The following TOPORS variants were observed in gnomAD, a reference collection of about 807,000 sequenced individuals.
The protein encoded by TOPORS is TOP1 binding arginine/serine rich protein, E3 ubiquitin ligase, also known as E3 ubiquitin-protein ligase Topors.
In TOPORS, 25 loss-of-function variants were observed where a neutral mutation model predicts 81.4. The ratio of observed to expected loss-of-function variants is 0.31; its 90% CI spans 0.22 to 0.43. TOPORS has a LOEUF of 0.43. Among genes scored for constraint, TOPORS ranks in the 20% least tolerant of loss-of-function variants. The pLI, the probability that TOPORS is intolerant of heterozygous loss-of-function variation, is 1.00. For missense variants in TOPORS, 1,101 were observed against 1,267.0 expected (o/e 0.87, Z 1.99); for synonymous variants, 473 against 456.6 (o/e 1.04, Z -0.46).
chr9:32,542,719 T>C lies in TOPORS; in HGVS notation c.1806A>G (p.Ser602=), dbSNP rs144078121. The change falls in exon 3 of 3, where the codon TCA becomes TCG. Residue 602 remains serine, a synonymous_variant. Transcript: ENST00000360538. ...RKRGRSRSSD[S]RSQSRSGHDQ... ...CATGCCCACTTCTACTCTGAGAACG[T>C]GAATCTGAACTTCTTGATCTTCCCC... 9.3e-6 allele frequency: 15 copies of C among 1,613,964 alleles called. No individual in the cohort carries two copies. In the African/African-American group the frequency reaches 1.5e-4, roughly 16 times the overall value.
At chr9:32,545,666 C>A (rs1288130475) in intron 2 of TOPORS, among the ~76,000 whole-genome samples, 7 of 151,972 alleles carry the variant, frequency 4.6e-5, no homozygotes, top group African/African-American at 1.7e-4. Flanking sequence ...GAGGCTGAGA[C>A]AGGAGAATCG....
chr9:32,543,772 T>G lies in TOPORS; in HGVS notation c.753A>C (p.Gln251His). ...GTCTAAAATTAATAATATCTTGTTC[T>G]TGAATTTTCCGCAAAGATCTTTCAT... ...TADERSLRKI[Q>H]EQDIINFRRT... The change falls in exon 3 of 3, where the codon CAA (glutamine) becomes CAC (histidine). Residue 251 changes from glutamine to histidine, a missense_variant. Physicochemically the swap from Gln to His is conservative, Grantham distance 24. Around this residue, in one of 9 missense-constraint regions of TOPORS, gnomAD observed 120 missense variants for 115.4 expected, o/e 1.04. Coordinates refer to ENST00000360538, the MANE Select transcript of TOPORS (RefSeq NM_005802.5). The surrounding 1 kb of genome is among the most constrained non-coding windows in gnomAD (Gnocchi z 5.6). 1 of 1,611,734 alleles carries G rather than the reference T, an allele frequency of 6.2e-7. No homozygotes were observed. Among genetic ancestry groups the G allele is most frequent in the South Asian group, 1.1e-5 (1 of 90,696 alleles).
In TOPORS at chr9:32,541,860, GTTTCTTCTTTTTCTT is replaced by G. The variant is rs767345488; in HGVS notation, c.2650_2664del (p.Lys884_Lys888del). On this transcript the variant is annotated inframe_deletion, in exon 3 of 3. Transcript: ENST00000360538. The stretch of plus-strand genomic sequence containing the variant: ...TGGTGTTTCTTATGCTTCTTCTTAT[GTTTCTTCTTTTTCTT>G]TTTATGGTGTTTAGTTGTATCAGTA... The G allele has an allele frequency of 6.2e-7, 1 of 1,614,010 alleles. No individual in the cohort carries two copies. The highest frequency in any genetic ancestry group is 2.2e-5 in the East Asian group (1 of 44,876).
chr9:32,551,048 T>A (rs368138905), intron 1 of TOPORS, 80 bp from the exon 2 acceptor site: 1 of 1,510,314 alleles, frequency 6.6e-7, no homozygotes, highest in South Asian at 1.2e-5. Flanking sequence ...CTCCCGCGCA[T>A]CAAAACACAA....
chr9:32,548,142 G>A lies in TOPORS; in HGVS notation c.198+2632C>T, dbSNP rs187724160. On this transcript the variant is annotated intron_variant, in intron 2 of 2. Transcript: ENST00000360538. ...TGGGATTACAGGCGTAAGCCACCGC[G>A]CCCAGCCCGGAATGTAATCTTAACA... Among the ~76,000 whole-genome samples, 878 of 151,000 alleles carry A rather than the reference G, an allele frequency of 5.8e-3. 2 individuals carry two copies. The highest frequency in any genetic ancestry group is 0.014 in the Middle Eastern group (4 of 290).
rs927241903 is a variant in TOPORS at position 32,542,103 on chromosome 9, C to T, written c.2422G>A (p.Glu808Lys). The change falls in exon 3 of 3, where the codon GAA becomes AAA. Residue 808 changes from glutamate to lysine, a missense_variant. Coordinates refer to ENST00000360538, the MANE Select transcript of TOPORS (RefSeq NM_005802.5). ...AATTCACGAGATGGCTGAGCCACTT[C>T]GTTAGTACCCTCCAAATGCCGTGTT... ...YKTRHLEGTNEVAQPSREFAS... is the reference protein window; with the variant it reads ...YKTRHLEGTNKVAQPSREFAS... The T allele has an allele frequency of 3.1e-6, 5 of 1,614,028 alleles. No homozygotes were observed. The highest frequency in any genetic ancestry group is 1.3e-5 in the African/African-American group (1 of 74,914).
intron 1 of TOPORS, chr9:32,551,709 A>G: frequency 2.6e-6 from 1 of 387,302 alleles, no homozygotes; most frequent in Admixed American, 2.6e-5. Flanking sequence ...CTCGCCCACC[A>G]AACTGCCGTG....
At chr9:32,548,343 G>C (rs1563985954) in intron 2 of TOPORS, among the ~76,000 whole-genome samples, 1 of 151,008 alleles carries the variant, frequency 6.6e-6, no homozygotes, top group African/African-American at 2.4e-5. Flanking sequence ...GACCAACATG[G>C]AGAAACCCGG....
chr9:32,541,485 T>C lies in TOPORS; in HGVS notation c.3040A>G (p.Asn1014Asp), dbSNP rs185044466. 1.9e-6 allele frequency: 3 copies of C among 1,614,222 alleles called. No individual in the cohort carries two copies. In the Admixed American group the frequency reaches 5.0e-5, roughly 27 times the overall value. Residue 1014 changes from asparagine to aspartate, a missense_variant, in exon 3 of 3, where the codon AAC becomes GAC. This residue lies in a region of TOPORS where 605 missense variants were observed against 636.1 expected (regional missense o/e 0.95). Coordinates refer to ENST00000360538, the MANE Select transcript of TOPORS (RefSeq NM_005802.5). Reference protein sequence around the residue: ...FVSDLENQPSNIVSLQTEPSR... With the variant: ...FVSDLENQPSDIVSLQTEPSR... ...GGCTCAGTTTGAAGAGACACAATGT[T>C]ACTGGGCTGGTTCTCCAAATCAGAA...
rs12236253 is a variant in TOPORS at position 32,542,803 on chromosome 9, C to T, written c.1722G>A (p.Leu574=). ...CTCTGTCTCCTCTTACAGATGAGTTCAGGTTTCTGGGAGATGACAATGATG... is the reference window on the plus strand; with the variant it reads ...CTCTGTCTCCTCTTACAGATGAGTTTAGGTTTCTGGGAGATGACAATGATG... The part of the protein sequence containing the change: ...RSTSLSSPRN[L]NSSVRGDRVY... The change falls in exon 3 of 3, where the codon CTG becomes CTA. Residue 574 remains leucine (L), a synonymous_variant. Coordinates refer to ENST00000360538, the MANE Select transcript of TOPORS (RefSeq NM_005802.5). 5.4e-4 allele frequency: 874 copies of T among 1,614,026 alleles called. 11 individuals carry two copies. In the East Asian group the frequency reaches 0.018, roughly 33 times the overall value.
At position 32,543,015 on chromosome 9, in the gene TOPORS, A is replaced by G; in HGVS notation, c.1510T>C (p.Leu504=). The G allele has an allele frequency of 6.2e-7, 1 of 1,614,204 alleles. No homozygotes were observed. Among genetic ancestry groups the G allele is most frequent in the Non-Finnish European group, 8.5e-7 (1 of 1,180,028 alleles). The change falls in exon 3 of 3, where the codon TTA becomes CTA. Residue 504 remains leucine (L), a synonymous_variant. Transcript: ENST00000360538. The surrounding 1 kb of genome is among the most constrained non-coding windows in gnomAD (Gnocchi z 5.6). ...GTCTCCATTTTCTCATAAGAACCTAAGTCCTCAGAATCAGAGGACAGTTCA... is the reference window on the plus strand; with the variant it reads ...GTCTCCATTTTCTCATAAGAACCTAGGTCCTCAGAATCAGAGGACAGTTCA... The part of the protein sequence containing the change: ...LVELSSDSED[L]GSYEKMETVK...
chr9:32,544,033 C>T lies in TOPORS; in HGVS notation c.492G>A (p.Arg164=). The change falls in exon 3 of 3, where the codon AGG becomes AGA. Residue 164 remains arginine (R), a synonymous_variant. Transcript: ENST00000360538. ...AEDDFKEYVL[R]PSYNGSFVTP... Reference sequence around the variant, plus strand: ...TGACAAAAGAACCATTATACGAAGGCCTTAGGACATACTCCTTGAAGTCAT... The same window carrying T: ...TGACAAAAGAACCATTATACGAAGGTCTTAGGACATACTCCTTGAAGTCAT... The T allele has an allele frequency of 6.2e-7, 1 of 1,614,124 alleles. No homozygotes were observed. The highest frequency in any genetic ancestry group is 8.5e-7 in the Non-Finnish European group (1 of 1,180,020).
intron 1 of TOPORS, chr9:32,551,806 G>A (rs1265717272): frequency 1.3e-5 from 6 of 451,332 alleles, no homozygotes; most frequent in South Asian, 4.7e-5. Flanking sequence ...ACATTATGGC[G>A]GGTAACGCGT....
At position 32,542,572 on chromosome 9, in the gene TOPORS, G is replaced by A. The variant is rs727504178; in HGVS notation, c.1953C>T (p.Ser651=). The change falls in exon 3 of 3, where the codon AGC becomes AGT. Residue 651 remains serine, a synonymous_variant. Transcript: ENST00000360538. ...GAGTTTGGCTTCTTCTGGACCAACT[G>A]CTATCTCTAGTTCTTGATCTCTTTT... ...RDKKRSRTRD[S]SWSRRSQTLS... is the part of the protein sequence containing the mutation. 6.2e-7 allele frequency: 1 copy of A among 1,614,044 alleles called. No individual in the cohort carries two copies. Among genetic ancestry groups the A allele is most frequent in the Non-Finnish European group, 8.5e-7 (1 of 1,180,012 alleles).
At chr9:32,551,441 A>G (rs1239711921) in intron 1 of TOPORS, 2 of 302,290 alleles carry the variant, frequency 6.6e-6, no homozygotes, top group East Asian at 8.4e-5. Context: ...AGTATCCTAT[A>G]AAGTCTTCAG....
At chr9:32,549,315 T>C (rs1484932505) in intron 2 of TOPORS, among the ~76,000 whole-genome samples, 1 of 151,632 alleles carries the variant, frequency 6.6e-6, no homozygotes, top group Non-Finnish European at 1.5e-5. Flanking sequence ...TCAAAAAAAA[T>C]AAATCAATAA....
chr9:32,546,237 C>A (rs898831104), intron 2 of TOPORS, among the ~76,000 whole-genome samples: 1 of 152,180 alleles, frequency 6.6e-6, no homozygotes, highest in African/African-American at 2.4e-5. Context: ...CCTAATACTG[C>A]ACAACCTTCT....
In TOPORS at chr9:32,542,335, A is replaced by G. The variant is rs779804212; in HGVS notation, c.2190T>C (p.Tyr730=). 1.4e-5 allele frequency: 23 copies of G among 1,614,112 alleles called. No individual in the cohort carries two copies. The highest frequency in any genetic ancestry group is 1.8e-5 in the Non-Finnish European group (21 of 1,180,044). ...YRRRTLSRAH[Y]SRQSSSPEFR... ...ATTCTGGACTTGAAGACTGTCTAGA[A>G]TAATGAGCTCTGGACAGAGTCCTCC... The change falls in exon 3 of 3, where the codon TAT becomes TAC. Residue 730 remains tyrosine (Y), a synonymous_variant. Transcript: ENST00000360538.
chr9:32,542,168 C>G lies in TOPORS; in HGVS notation c.2357G>C (p.Arg786Pro), dbSNP rs374383518. 9 of 1,614,062 alleles carry G rather than the reference C, an allele frequency of 5.6e-6. No individual in the cohort carries two copies. The highest frequency in any genetic ancestry group is 3.4e-6 in the Non-Finnish European group (4 of 1,180,038). ...CCCTCCAGGCTTTTCATTTCTCACC[C>G]GGTCAGTCCCGGTAGATGCAGTCCT... ...RSRTASTGTD[R>P]VRNEKPGGKR... The change falls in exon 3 of 3, where the codon CGG (arginine) becomes CCG (proline). Residue 786 changes from arginine (R) to proline (P), a missense_variant. Physicochemically the swap from Arg to Pro is moderately radical, Grantham distance 103. Coordinates refer to ENST00000360538, the MANE Select transcript of TOPORS (RefSeq NM_005802.5).
Sources: allele counts gnomAD v4.1 joint callset (sites outside exome capture counted in the v4.1 genomes callset), GRCh38; gene constraint gnomAD v4.1.1; regional missense constraint gnomAD v4.1.1; non-coding constraint Gnocchi (gnomAD v3.1); transcripts MANE v1.5; gene names NCBI Gene and HGNC (gene_info 2026-07-23, HGNC 2026-07-21).